The following SPMIP2 variants were observed in gnomAD, a reference collection of about 807,000 sequenced individuals.
SPMIP2 encodes sperm microtubule inner protein 2.
the SPMIP2 span, among the ~76,000 whole-genome samples, chr4:159,006,046 G>C: frequency 6.6e-6 from 1 of 152,228 alleles, no homozygotes; most frequent in East Asian, 1.9e-4. Context: ...TTACAGGCGT[G>C]AGCCACCGCG....
the SPMIP2 span, among the ~76,000 whole-genome samples, chr4:159,073,552 C>G: frequency 1.4e-4 from 22 of 152,286 alleles, no homozygotes; most frequent in Admixed American, 5.2e-4. Context: ...AATAATAAAA[C>G]CAAAATACCT....
At chr4:159,007,462 A>T in the SPMIP2 span, 1 of 694,122 alleles carries the variant, frequency 1.4e-6, no homozygotes, top group Non-Finnish European at 2.7e-6. Flanking sequence ...GTAGTCTCAA[A>T]GAGAAATGCA....
the SPMIP2 span, chr4:158,909,579 T>G: frequency 7.2e-5 from 11 of 151,792 alleles, no homozygotes; most frequent in Non-Finnish European, 7.4e-5. Context: ...TGATGGTTTT[T>G]TTTTTTTTTT....
chr4:158,976,819 G>A, the SPMIP2 span, among the ~76,000 whole-genome samples: 7 of 151,772 alleles, frequency 4.6e-5, no homozygotes, highest in East Asian at 1.9e-4. Flanking sequence ...ACACCACCAC[G>A]CCCAGCTAAT....
chr4:159,062,139 G>T, the SPMIP2 span, among the ~76,000 whole-genome samples: 1 of 152,178 alleles, frequency 6.6e-6, no homozygotes, highest in Admixed American at 6.5e-5. Context: ...CCCTACCAGG[G>T]GTTAGAAGGA....
the SPMIP2 span, among the ~76,000 whole-genome samples, chr4:159,020,025 C>G: frequency 6.6e-6 from 1 of 151,764 alleles, no homozygotes; most frequent in South Asian, 2.1e-4. Context: ...GAGGCTGAGG[C>G]AGGAAAATTG....
the SPMIP2 span, among the ~76,000 whole-genome samples, chr4:158,914,476 T>C: frequency 6.6e-6 from 1 of 152,220 alleles, no homozygotes; most frequent in South Asian, 2.1e-4. Flanking sequence ...CAGGAGTCTC[T>C]GAATGGGCCT....
chr4:158,963,544 C>T, the SPMIP2 span, among the ~76,000 whole-genome samples: 1 of 152,188 alleles, frequency 6.6e-6, no homozygotes, highest in Non-Finnish European at 1.5e-5. Context: ...GCCTCAGCCT[C>T]CCAAAGTGCT....
chr4:158,904,017 T>C, the SPMIP2 span, among the ~76,000 whole-genome samples: 1 of 152,234 alleles, frequency 6.6e-6, no homozygotes, highest in East Asian at 1.9e-4. Context: ...TCCCAATGTT[T>C]TTTAAGAAAT....
chr4:159,019,413 T>A, the SPMIP2 span, among the ~76,000 whole-genome samples: 10 of 151,808 alleles, frequency 6.6e-5, no homozygotes, highest in Non-Finnish European at 1.0e-4. Context: ...GTGATATCTG[T>A]GGAATGGCCT....
chr4:159,021,695 C>T, the SPMIP2 span, among the ~76,000 whole-genome samples: 3 of 152,122 alleles, frequency 2.0e-5, no homozygotes, highest in South Asian at 6.2e-4. Flanking sequence ...TGGGTCAATG[C>T]TATTATTTAT....
the SPMIP2 span, among the ~76,000 whole-genome samples, chr4:158,977,511 T>G: frequency 6.6e-6 from 1 of 151,940 alleles, no homozygotes; most frequent in Non-Finnish European, 1.5e-5. Flanking sequence ...TGGCTAGAGG[T>G]CTATCTACTG....
chr4:158,927,243 C>T, the SPMIP2 span, among the ~76,000 whole-genome samples: 1 of 152,116 alleles, frequency 6.6e-6, no homozygotes, highest in African/African-American at 2.4e-5. Context: ...TAAAAATGCT[C>T]TTCTTTATCT....
At chr4:158,912,477 A>G in the SPMIP2 span, among the ~76,000 whole-genome samples, 4 of 152,208 alleles carry the variant, frequency 2.6e-5, no homozygotes, top group Non-Finnish European at 5.9e-5. Context: ...ATTTCTACTT[A>G]AGAGACTTTC....
the SPMIP2 span, among the ~76,000 whole-genome samples, chr4:158,964,540 G>C: frequency 2.0e-5 from 3 of 152,186 alleles, no homozygotes; most frequent in Non-Finnish European, 2.9e-5. Context: ...CCATTTCATA[G>C]ATCGGAAAAC....
chr4:159,075,487 A>C, the SPMIP2 span, among the ~76,000 whole-genome samples: 3 of 152,160 alleles, frequency 2.0e-5, no homozygotes, highest in Non-Finnish European at 4.4e-5. Context: ...TTCTATAATG[A>C]TGAGAGATTT....
At chr4:159,049,018 T>C in the SPMIP2 span, among the ~76,000 whole-genome samples, 8 of 152,184 alleles carry the variant, frequency 5.3e-5, no homozygotes, top group African/African-American at 1.4e-4. Flanking sequence ...GTTAAGGTTA[T>C]GTCAGGTGCA....
chr4:158,949,099 A>G, the SPMIP2 span, among the ~76,000 whole-genome samples: 1 of 152,160 alleles, frequency 6.6e-6, no homozygotes, highest in Non-Finnish European at 1.5e-5. Flanking sequence ...TCACCTATAT[A>G]GTATACAATT....
the SPMIP2 span, chr4:158,973,252 C>G: frequency 6.2e-7 from 1 of 1,613,844 alleles, no homozygotes; most frequent in Non-Finnish European, 8.5e-7. Flanking sequence ...AGATGCTGTT[C>G]TCCTACATAG....
Sources: allele counts gnomAD v4.1 joint callset (sites outside exome capture counted in the v4.1 genomes callset), GRCh38; gene constraint gnomAD v4.1.1; transcripts MANE v1.5; gene names NCBI Gene and HGNC (gene_info 2026-07-23, HGNC 2026-07-21).